PPFIA3: variants seen among roughly 807,000 people sequenced by gnomAD.
PPFIA3 encodes PPFI scaffold protein A3.
A neutral mutation model predicts 145.8 loss-of-function variants in PPFIA3; 26 were observed. The observed-to-expected ratio is 0.18, with a 90% CI of 0.13 to 0.25. PPFIA3 has a LOEUF of 0.25. Among genes scored for constraint, PPFIA3 ranks in the 10% least tolerant of loss-of-function variants. PPFIA3 has a pLI of 1.00. For synonymous variants in PPFIA3, 645 were observed against 661.4 expected (o/e 0.98, Z 0.38); for missense variants, 1,008 against 1,587.8 (o/e 0.63, Z 6.21).
In PPFIA3 at chr19:49,150,404, G is replaced by A; in HGVS notation, c.*182G>A. The A allele has an allele frequency of 2.4e-6, 1 of 422,818 alleles. No individual in the cohort carries two copies. The highest frequency in any genetic ancestry group is 4.3e-6 in the Non-Finnish European group (1 of 233,672). 26.2% of individuals were successfully genotyped at this position (422,818 alleles called of 1,614,324 possible). On this transcript the variant is annotated 3_prime_UTR_variant, in exon 30 of 30. Coordinates refer to ENST00000334186, the MANE Select transcript of PPFIA3 (RefSeq NM_003660.4). ...CCGCCTCGCACAGGGCCGGGGCCTG[G>A]ACCAAACCACATGAACTGGACTGAG...
chr19:49,126,022 C>T (rs2040993550), intron 1 of PPFIA3, among the ~76,000 whole-genome samples: 1 of 151,932 alleles, frequency 6.6e-6, no homozygotes, highest in African/African-American at 2.4e-5. Context: ...ACGATCTTGG[C>T]TCACCGCAAC....
In PPFIA3 at chr19:49,150,444, G is replaced by A; in HGVS notation, c.*222G>A. The A allele has an allele frequency of 6.5e-6, 2 of 305,628 alleles. No homozygotes were observed. The highest frequency in any genetic ancestry group is 1.2e-5 in the Non-Finnish European group (2 of 165,588). The allele number at this position is 305,628 out of a possible 1,614,324, so 18.9% of individuals were successfully genotyped here. On this transcript the variant is annotated 3_prime_UTR_variant, in exon 30 of 30. Coordinates refer to ENST00000334186, the MANE Select transcript of PPFIA3 (RefSeq NM_003660.4). Reference sequence around the variant, plus strand: ...ACTGGACTGAGAGGGGGAAGAAGCGGGGAGGAAGAAATCCCGCCCCAAACG... The same window carrying A: ...ACTGGACTGAGAGGGGGAAGAAGCGAGGAGGAAGAAATCCCGCCCCAAACG...
Position 49,150,078 on chromosome 19 carries a change from A to C in PPFIA3, c.3527-2A>C. ...CTGAACCGCTGCTCGCTCTCCCTCC[A>C]GGCCAGACTTCTGGGAGTTCCCGGG... On this transcript the variant is annotated splice_acceptor_variant, in intron 28 of 29. Coordinates refer to ENST00000334186, the MANE Select transcript of PPFIA3 (RefSeq NM_003660.4). LOFTEE classifies it high-confidence loss of function. 1 of 1,608,822 alleles carries C rather than the reference A, an allele frequency of 6.2e-7. No homozygotes were observed. The highest frequency in any genetic ancestry group is 8.5e-7 in the Non-Finnish European group (1 of 1,178,098).
chr19:49,136,576 C>A, intron 14 of PPFIA3, 148 bp from the exon 15 acceptor site: 2 of 541,582 alleles, frequency 3.7e-6, no homozygotes, highest in Non-Finnish European at 5.7e-6. Flanking sequence ...GAGACTCTGT[C>A]TCAAGAAAAA....
Position 49,128,139 on chromosome 19 carries a change from T to C in PPFIA3, c.240+26T>C, listed in dbSNP as rs756792489. 1.5e-5 allele frequency: 20 copies of C among 1,349,668 alleles called. No homozygotes were observed. The highest frequency in any genetic ancestry group is 1.8e-5 in the Non-Finnish European group (19 of 1,041,856). 83.6% of individuals were successfully genotyped at this position (1,349,668 alleles called of 1,614,324 possible). On this transcript the variant is annotated intron_variant, in intron 2 of 29. Coordinates refer to ENST00000334186, the MANE Select transcript of PPFIA3 (RefSeq NM_003660.4). The surrounding 1 kb of genome is among the most constrained non-coding windows in gnomAD (Gnocchi z 4.1). ...GTCTGGGCGGGACAGGGGCGGGGCA[T>C]GAGGGGGCGGGGCCTCGGGGGGAAG...
In PPFIA3 at chr19:49,128,203, G is replaced by A; in HGVS notation, c.240+90G>A. 2.0e-6 allele frequency: 3 copies of A among 1,471,554 alleles called. No homozygotes were observed. Among genetic ancestry groups the A allele is most frequent in the Non-Finnish European group, 2.7e-6 (3 of 1,103,254 alleles). 91.2% of individuals were successfully genotyped at this position (1,471,554 alleles called of 1,614,324 possible). A position where few individuals can be genotyped will look rare whatever the true frequency, so the allele number is the denominator to read the frequency against. On this transcript the variant is annotated intron_variant, in intron 2 of 29. Coordinates refer to ENST00000334186, the MANE Select transcript of PPFIA3 (RefSeq NM_003660.4). The surrounding 1 kb of genome is among the most constrained non-coding windows in gnomAD (Gnocchi z 4.1). The stretch of plus-strand genomic sequence containing the variant: ...AGGGGCCGGGCTTGGCGCCTGGAAG[G>A]GAGGAGTCTGGGCGAGGCTTGCCGT...
intron 15 of PPFIA3, chr19:49,137,142 A>C: frequency 2.5e-6 from 1 of 397,972 alleles, no homozygotes. Context: ...ATTCCCCAAC[A>C]CACCAAAGCC....
At chr19:49,129,515 C>T (rs1559155) in intron 5 of PPFIA3, 61 bp downstream of exon 5, 930,719 of 1,528,442 alleles carry the variant, frequency 0.61, 290,886 homozygotes, top group African/African-American at 0.92. Context: ...GGGCTGCCCA[C>T]GGGGCGGAGC....
Position 49,133,283 on chromosome 19 carries a change from A to G in PPFIA3, c.1073A>G (p.Lys358Arg). ...RQLAEWLDDA[K>R]QKLQQTLQKA... ...CTGGCCGAGTGGTTGGACGACGCCA[A>G]GCAGAAGCTGCAGCAGACGCTGCAG... The change falls in exon 9 of 30, where the codon AAG (lysine) becomes AGG (arginine). Residue 358 changes from lysine to arginine, a missense_variant. This residue lies in a region of PPFIA3 where 109 missense variants were observed against 198.1 expected (regional missense o/e 0.55). Transcript: ENST00000334186. This position sits in a 1 kb window ranked among gnomAD's most constrained non-coding sequence, Gnocchi z 7.2. The G allele has an allele frequency of 6.2e-7, 1 of 1,610,560 alleles. No homozygotes were observed. Among genetic ancestry groups the G allele is most frequent in the Non-Finnish European group, 8.5e-7 (1 of 1,178,946 alleles).
chr19:49,137,316 A>C, intron 15 of PPFIA3: 3 of 160,138 alleles, frequency 1.9e-5, no homozygotes, highest in Non-Finnish European at 4.1e-5. Context: ...TCATCCTAAC[A>C]TGCTAATCAA....
intron 24 of PPFIA3, 171 bp from the exon 25 acceptor site, chr19:49,148,495 A>C (rs1332543751): frequency 1.4e-5 from 10 of 713,988 alleles, no homozygotes; most frequent in Non-Finnish European, 2.3e-5. Flanking sequence ...GGCCAGTAGG[A>C]AGTGCCTATT....
chr19:49,125,521 C>T (rs2040986588), intron 1 of PPFIA3: 1 of 152,458 alleles, frequency 6.6e-6, no homozygotes, highest in Non-Finnish European at 1.5e-5. Flanking sequence ...GTCCAGGCTT[C>T]CCGCCCCAGA....
rs1226344811 is a variant in PPFIA3 at position 49,148,773 on chromosome 19, G to C, written c.3109+10G>C. 4.4e-6 allele frequency: 7 copies of C among 1,609,146 alleles called. No homozygotes were observed. The highest frequency in any genetic ancestry group is 1.3e-5 in the African/African-American group (1 of 74,774). ...CAGACCCAGATCCGAGGTGAGTAGAGCCTAAGGGTCCCTTTGGGAGCCAGG... is the reference window on the plus strand; with the variant it reads ...CAGACCCAGATCCGAGGTGAGTAGACCCTAAGGGTCCCTTTGGGAGCCAGG... On this transcript the variant is annotated intron_variant, in intron 25 of 29. Transcript: ENST00000334186.
At chr19:49,146,803 G>A (rs903924054) in intron 23 of PPFIA3, among the ~76,000 whole-genome samples, 32 of 152,094 alleles carry the variant, frequency 2.1e-4, no homozygotes, top group African/African-American at 7.2e-4. Flanking sequence ...AGTGGCTAGC[G>A]TATGTAATCC....
At chr19:49,140,715 T>C (rs2041211244) in intron 18 of PPFIA3, among the ~76,000 whole-genome samples, 2 of 132,844 alleles carry the variant, frequency 1.5e-5, no homozygotes, top group Admixed American at 8.9e-5. Context: ...AGTGCAGTGG[T>C]GCTATCTCGG....
Position 49,147,369 on chromosome 19 carries a change from T to G in PPFIA3, c.2836-714T>G, listed in dbSNP as rs549593065. Among the ~76,000 whole-genome samples the G allele has an allele frequency of 6.6e-5, 10 of 152,108 alleles. No homozygotes were observed. The East Asian group carries it at 1.7e-3, about 26-fold the overall frequency. ...GAAGCTGAGGTCAACCTGGGCAACA[T>G]AGTAAGACCCTGTCTCTAAAAAATA... On this transcript the variant is annotated intron_variant, in intron 23 of 29. Transcript: ENST00000334186.
In PPFIA3 at chr19:49,134,149, G is replaced by C; in HGVS notation, c.1361G>C (p.Gly454Ala). 2 of 1,610,906 alleles carry C rather than the reference G, an allele frequency of 1.2e-6. No homozygotes were observed. Among genetic ancestry groups the C allele is most frequent in the Non-Finnish European group, 1.7e-6 (2 of 1,178,930 alleles). ...RLQLHLKERM[G>A]ALEEKNSLSE... Reference sequence around the variant, plus strand: ...CAGCTTCACCTCAAGGAGCGCATGGGGGCGCTGGAGGAGAAGGTGCGCCCC... The same window carrying C: ...CAGCTTCACCTCAAGGAGCGCATGGCGGCGCTGGAGGAGAAGGTGCGCCCC... The change falls in exon 11 of 30, where the codon GGG becomes GCG. Residue 454 changes from glycine (G) to alanine (A), a missense_variant. Physicochemically the swap from Gly to Ala is moderately conservative, Grantham distance 60. Around this residue, in one of 11 missense-constraint regions of PPFIA3, gnomAD observed 21 missense variants for 46.4 expected, o/e 0.45. Transcript: ENST00000334186.
At chr19:49,141,221 A>T (rs897843310) in intron 18 of PPFIA3, among the ~76,000 whole-genome samples, 199 bp from the exon 19 acceptor site, 7 of 152,318 alleles carry the variant, frequency 4.6e-5, no homozygotes, top group Middle Eastern at 3.4e-3. Context: ...TACCAAGGGC[A>T]TCCCAGTGCA....
At chr19:49,129,530 T>C (rs1341222153) in intron 5 of PPFIA3, 76 bp downstream of exon 5, 2 of 1,434,948 alleles carry the variant, frequency 1.4e-6, no homozygotes, top group Non-Finnish European at 1.9e-6. Flanking sequence ...CGGAGCCGGT[T>C]GGGTGGGTTC....
Sources: allele counts gnomAD v4.1 joint callset (sites outside exome capture counted in the v4.1 genomes callset), GRCh38; gene constraint gnomAD v4.1.1; regional missense constraint gnomAD v4.1.1; non-coding constraint Gnocchi (gnomAD v3.1); transcripts MANE v1.5; gene names NCBI Gene and HGNC (gene_info 2026-07-23, HGNC 2026-07-21).